RNF150: variants seen among roughly 807,000 people sequenced by gnomAD.
RNF150 encodes the protein ring finger protein 150.
In RNF150, 24 loss-of-function variants were observed where a neutral mutation model predicts 39.3. The ratio of observed to expected loss-of-function variants is 0.61; its 90% CI spans 0.44 to 0.86. The LOEUF is 0.86. Among genes scored for constraint, RNF150 ranks in the 40% least tolerant of loss-of-function variants. The pLI is 0.00. For missense variants in RNF150, 502 were observed against 587.8 expected (o/e 0.85, Z 1.51); for synonymous variants, 255 against 227.3 (o/e 1.12, Z -1.10).
intron 1 of RNF150, among the ~76,000 whole-genome samples, chr4:141,055,220 T>G (rs1736922061): frequency 6.6e-6 from 1 of 152,086 alleles, no homozygotes; most frequent in African/African-American, 2.4e-5. Flanking sequence ...GAAAAAAACA[T>G]AGCTATTGAA....
chr4:141,006,992 A>T (rs557447074), intron 1 of RNF150, among the ~76,000 whole-genome samples: 2 of 152,340 alleles, frequency 1.3e-5, no homozygotes, highest in East Asian at 3.9e-4. Flanking sequence ...CCCTAATGAG[A>T]AAAAAAGTTA....
intron 2 of RNF150, among the ~76,000 whole-genome samples, chr4:140,951,023 G>C (rs1732519422): frequency 6.6e-6 from 1 of 152,052 alleles, no homozygotes; most frequent in Non-Finnish European, 1.5e-5. Context: ...CTGAACTGAG[G>C]TGAACTAAAC....
intron 2 of RNF150, among the ~76,000 whole-genome samples, chr4:140,957,550 G>T (rs1732814334): frequency 6.6e-6 from 1 of 152,128 alleles, no homozygotes; most frequent in Non-Finnish European, 1.5e-5. Context: ...CCATTACTGG[G>T]TATATACCCA....
rs554616704 is a variant in RNF150 at position 141,132,638 on chromosome 4, G to A, written c.171C>T (p.Ala57=). The change falls in exon 1 of 7, where the codon GCC becomes GCT. Residue 57 remains alanine, a synonymous_variant. Coordinates refer to ENST00000515673, the MANE Select transcript of RNF150 (RefSeq NM_020724.2). The surrounding 1 kb of genome is among the most constrained non-coding windows in gnomAD (Gnocchi z 4.9). ...CCGCGCCGCCGCCGCCCGCCGCCCCGGCCCCGGGGTCCGGCGCGGGCTCGG... is the reference window on the plus strand; with the variant it reads ...CCGCGCCGCCGCCGCCCGCCGCCCCAGCCCCGGGGTCCGGCGCGGGCTCGG... ...TYAEPAPDPG[A]GAAGGGGAEL... The A allele has an allele frequency of 4.4e-6, 7 of 1,585,618 alleles. No individual in the cohort carries two copies. Among genetic ancestry groups the A allele is most frequent in the East Asian group, 2.3e-5 (1 of 43,516 alleles).
At chr4:141,115,254 GC>G (rs1480879362) in intron 1 of RNF150, among the ~76,000 whole-genome samples, 1 of 152,170 alleles carries the variant, frequency 6.6e-6, no homozygotes, top group Non-Finnish European at 1.5e-5. Flanking sequence ...CATCATCTCA[GC>G]CCAAAATCTC....
intron 1 of RNF150, among the ~76,000 whole-genome samples, chr4:141,177,497 TCC>T (rs1231634038): frequency 4.3e-5 from 6 of 139,576 alleles, no homozygotes; most frequent in Admixed American, 1.5e-4. Context: ...TCTCTCTCTC[TCC>T]CTCAATGTAG....
Position 140,878,185 on chromosome 4 carries a change from T to TC in RNF150, c.1199-9807dup, listed in dbSNP as rs1491201233. ...TTGTGTTTTTTTTTTTTTTTTTTTT[T>TC]CAACAGAATCTTGTTTTATCACCCA... On this transcript the variant is annotated intron_variant, in intron 6 of 6. Coordinates refer to ENST00000515673, the MANE Select transcript of RNF150 (RefSeq NM_020724.2). Among the ~76,000 whole-genome samples, 8 of 122,576 alleles carry TC rather than the reference T, an allele frequency of 6.5e-5. No homozygotes were observed. The East Asian group carries it at 8.9e-4, about 14-fold the overall frequency. The allele number at this position is 122,576 out of a possible 152,430, so 80.4% of individuals were successfully genotyped here. A position where few individuals can be genotyped will look rare whatever the true frequency, so the allele number is the denominator to read the frequency against.
chr4:141,060,095 G>A (rs537023365), intron 1 of RNF150, among the ~76,000 whole-genome samples: 1 of 152,156 alleles, frequency 6.6e-6, no homozygotes, highest in South Asian at 2.1e-4. Context: ...ATGTTTTATT[G>A]CAAACACATT....
At position 141,132,747 on chromosome 4, in the gene RNF150, A is replaced by G. The variant is rs1187272550; in HGVS notation, c.62T>C (p.Phe21Ser). Reference sequence around the variant, plus strand: ...CAGGCAGAGCAGATGCACGAAACAAAAGGAAAGCAGCCATGTTGAGAGAGC... The same window carrying G: ...CAGGCAGAGCAGATGCACGAAACAAGAGGAAAGCAGCCATGTTGAGAGAGC... Reference protein sequence around the residue: ...SLALSTWLLSFCFVHLLCLDF... With the variant: ...SLALSTWLLSSCFVHLLCLDF... Residue 21 changes from phenylalanine to serine, a missense_variant, in exon 1 of 7, where the codon TTT (phenylalanine) becomes TCT (serine). By Grantham distance (155) the Phe-to-Ser change is radical (BLOSUM62 -2). Coordinates refer to ENST00000515673, the MANE Select transcript of RNF150 (RefSeq NM_020724.2). The surrounding 1 kb of genome is among the most constrained non-coding windows in gnomAD (Gnocchi z 4.9). 1.2e-6 allele frequency: 2 copies of G among 1,610,176 alleles called. No homozygotes were observed. The highest frequency in any genetic ancestry group is 8.5e-7 in the Non-Finnish European group (1 of 1,178,488).
rs564711443 is a variant in RNF150, at chr4:141,108,684, A to C, written c.484+23641T>G. ...ACCAGTGGTGATTTAGGTTCAATGA[A>C]ATTTGTGAGTGCCATATTTATCCCT... On this transcript the variant is annotated intron_variant, in intron 1 of 6. Transcript: ENST00000515673. 4.0e-4 allele frequency among the ~76,000 whole-genome samples: 61 copies of C among 152,332 alleles called. 2 individuals carry two copies. In the South Asian group the frequency reaches 0.012, roughly 31 times the overall value.
chr4:141,074,294 T>C (rs1409986263), intron 1 of RNF150, among the ~76,000 whole-genome samples: 3 of 150,742 alleles, frequency 2.0e-5, no homozygotes, highest in African/African-American at 7.3e-5. Context: ...CCACGGAGTG[T>C]TAATAAGACA....
At chr4:141,149,494 T>G (rs1473314615) in intron 1 of RNF150, among the ~76,000 whole-genome samples, 1 of 152,246 alleles carries the variant, frequency 6.6e-6, no homozygotes, top group African/African-American at 2.4e-5. Flanking sequence ...ATGTTTGGTT[T>G]TCCATTCCTG....
chr4:141,132,677 C>T lies in RNF150; in HGVS notation c.132G>A (p.Val44=), dbSNP rs1212490450. The change falls in exon 1 of 7, where the codon GTG becomes GTA. Residue 44 remains valine, a synonymous_variant. Transcript: ENST00000515673. The surrounding 1 kb of genome is among the most constrained non-coding windows in gnomAD (Gnocchi z 4.9). The part of the protein sequence containing the change: ...AEKEEWYTAF[V]NITYAEPAPD... ...GCGCGGGCTCGGCGTAGGTGATGTTCACGAAGGCGGTGTACCATTCCTCCT... is the reference window on the plus strand; with the variant it reads ...GCGCGGGCTCGGCGTAGGTGATGTTTACGAAGGCGGTGTACCATTCCTCCT... 1 of 1,607,844 alleles carries T rather than the reference C, an allele frequency of 6.2e-7. No homozygotes were observed. The highest frequency in any genetic ancestry group is 8.5e-7 in the Non-Finnish European group (1 of 1,177,680).
chr4:140,928,330 C>T (rs1019462565), intron 4 of RNF150, among the ~76,000 whole-genome samples: 6 of 150,518 alleles, frequency 4.0e-5, no homozygotes, highest in African/African-American at 9.8e-5. Flanking sequence ...AACAAAGTGA[C>T]GAAGCTGAAA....
chr4:140,966,769 T>C (rs1733259578), intron 2 of RNF150, among the ~76,000 whole-genome samples: 1 of 152,184 alleles, frequency 6.6e-6, no homozygotes, highest in Admixed American at 6.6e-5. Flanking sequence ...TGGCAGACAA[T>C]GTGGCAGTAT....
intron 1 of RNF150, among the ~76,000 whole-genome samples, chr4:141,103,289 G>C (rs1055457220): frequency 2.0e-5 from 3 of 152,188 alleles, no homozygotes; most frequent in African/African-American, 7.2e-5. Context: ...TGTCAGAAAA[G>C]ACTAGCCTCC....
At chr4:141,082,569 A>G (rs546625123) in intron 1 of RNF150, among the ~76,000 whole-genome samples, 1 of 151,612 alleles carries the variant, frequency 6.6e-6, no homozygotes, top group Non-Finnish European at 1.5e-5. Flanking sequence ...CAAGAAATAC[A>G]GGATGAAATT....
At chr4:141,064,423 C>T (rs1048423409) in intron 1 of RNF150, among the ~76,000 whole-genome samples, 11 of 152,204 alleles carry the variant, frequency 7.2e-5, no homozygotes, top group South Asian at 6.2e-4. Context: ...CCTTGAACAC[C>T]GCTTGGCTTT....
chr4:140,996,112 C>A (rs1734359997), intron 1 of RNF150, among the ~76,000 whole-genome samples: 1 of 152,100 alleles, frequency 6.6e-6, no homozygotes, highest in South Asian at 2.1e-4. Flanking sequence ...TGAGGCTGCC[C>A]TTTTTCCCCA....
Sources: gnomAD v4.1 joint callset for allele counts (sites outside exome capture counted in the v4.1 genomes callset) on GRCh38, gnomAD v4.1.1 for gene constraint, Gnocchi (gnomAD v3.1) non-coding constraint, MANE v1.5 for transcripts, NCBI Gene and HGNC (gene_info 2026-07-23, HGNC 2026-07-21) for gene names.